The following LYPD6B variants were observed in gnomAD, a reference collection of about 807,000 sequenced individuals.
The protein encoded by LYPD6B is ly6/PLAUR domain-containing protein 6B.
LYPD6B carries 17 observed loss-of-function variants against 22.8 expected under a neutral mutation model. That is an observed-to-expected ratio of 0.75 (90% CI 0.51 to 1.12). The LOEUF is 1.12. Among genes scored for constraint, LYPD6B ranks in the 50% most tolerant of loss-of-function variants. LYPD6B has a pLI of 0.00. For synonymous variants in LYPD6B, 106 were observed against 91.6 expected, an observed-to-expected ratio of 1.16 and a Z score of -0.90; for missense variants, 221 against 258.3, an observed-to-expected ratio of 0.86 and a Z score of 0.99.
intron 1 of LYPD6B, among the ~76,000 whole-genome samples, chr2:149,095,065 G>A (rs529187482): frequency 2.0e-5 from 3 of 152,276 alleles, no homozygotes; most frequent in Non-Finnish European, 4.4e-5. Context: ...GGAGGTCGAG[G>A]TGGGTGGATC....
chr2:149,137,555 T>A (rs1688442774), intron 2 of LYPD6B, among the ~76,000 whole-genome samples: 1 of 152,246 alleles, frequency 6.6e-6, no homozygotes, highest in Non-Finnish European at 1.5e-5. Context: ...TTTGTATATT[T>A]TATGTGATAC....
chr2:149,070,826 T>C (rs1049443284), intron 1 of LYPD6B, among the ~76,000 whole-genome samples: 4 of 152,202 alleles, frequency 2.6e-5, no homozygotes, highest in African/African-American at 9.6e-5. Flanking sequence ...AGTAAACACC[T>C]CTCTCTCTAC....
At chr2:149,081,996 T>C (rs1685158049) in intron 1 of LYPD6B, among the ~76,000 whole-genome samples, 1 of 152,186 alleles carries the variant, frequency 6.6e-6, no homozygotes, top group African/African-American at 2.4e-5. Flanking sequence ...GTAGGTATTG[T>C]GTAGTGAAGT....
In LYPD6B at chr2:149,092,157, G is replaced by A. The variant is rs185993891; in HGVS notation, c.-66-38726G>A. On this transcript the variant is annotated intron_variant, in intron 1 of 6. Transcript: ENST00000409642. ...GGAGAGTGAGAAAGCTGGAAAGATAGGAAATGGGGATTGGTGGTTGTGATT... is the reference window on the plus strand; with the variant it reads ...GGAGAGTGAGAAAGCTGGAAAGATAAGAAATGGGGATTGGTGGTTGTGATT... Among the ~76,000 whole-genome samples the A allele has an allele frequency of 5.3e-5, 8 of 152,176 alleles. No homozygotes were observed. In the East Asian group the frequency reaches 1.5e-3, roughly 29 times the overall value.
chr2:149,120,594 AGGAT>A (rs1413395704), intron 1 of LYPD6B, among the ~76,000 whole-genome samples: 1 of 149,134 alleles, frequency 6.7e-6, no homozygotes, highest in African/African-American at 2.5e-5. Context: ...CGGGTTAGCC[AGGAT>A]GGTCTCTATC....
At chr2:149,189,059 A>G (rs113367042) in intron 3 of LYPD6B, among the ~76,000 whole-genome samples, 16 of 151,794 alleles carry the variant, frequency 1.1e-4, no homozygotes, top group African/African-American at 3.6e-4. Context: ...CTTACTATAT[A>G]TGTACAAGGG....
At chr2:149,047,846 T>C (rs1000957181) in intron 1 of LYPD6B, among the ~76,000 whole-genome samples, 1 of 152,192 alleles carries the variant, frequency 6.6e-6, no homozygotes, top group African/African-American at 2.4e-5. Context: ...CTTATTTAGT[T>C]TGGGTAATTT....
intron 2 of LYPD6B, among the ~76,000 whole-genome samples, chr2:149,144,454 T>G (rs1575057332): frequency 6.6e-6 from 1 of 152,290 alleles, no homozygotes; most frequent in East Asian, 1.9e-4. Context: ...TGCAGTGGCG[T>G]GATCTTGGCT....
intron 3 of LYPD6B, among the ~76,000 whole-genome samples, chr2:149,180,140 C>T (rs1691606206): frequency 6.6e-6 from 1 of 152,146 alleles, no homozygotes; most frequent in African/African-American, 2.4e-5. Context: ...CTTTGTCTGT[C>T]TCGATAAACA....
At chr2:149,115,990 T>G (rs982806691) in intron 1 of LYPD6B, among the ~76,000 whole-genome samples, 1 of 152,232 alleles carries the variant, frequency 6.6e-6, no homozygotes, top group African/African-American at 2.4e-5. Flanking sequence ...TCAGATCTAC[T>G]GAGACCGTAT....
chr2:149,155,516 A>G (rs1366145422), intron 2 of LYPD6B, among the ~76,000 whole-genome samples: 1 of 152,216 alleles, frequency 6.6e-6, no homozygotes, highest in African/African-American at 2.4e-5. Context: ...TACTTCTAAT[A>G]GCAAAGGAAA....
intron 1 of LYPD6B, among the ~76,000 whole-genome samples, chr2:149,113,128 C>G (rs1686839925): frequency 6.6e-6 from 1 of 152,084 alleles, no homozygotes; most frequent in South Asian, 2.1e-4. Flanking sequence ...TATAGATATC[C>G]TTTAAGGTTT....
chr2:149,114,725 A>AC (rs753072117), intron 1 of LYPD6B, among the ~76,000 whole-genome samples: 32 of 152,150 alleles, frequency 2.1e-4, no homozygotes, highest in Non-Finnish European at 4.6e-4. Context: ...CATTGCCAAG[A>AC]CTATGTCTGA....
chr2:149,059,130 G>A (rs1012019801), intron 1 of LYPD6B, among the ~76,000 whole-genome samples: 1 of 152,238 alleles, frequency 6.6e-6, no homozygotes, highest in African/African-American at 2.4e-5. Context: ...CCTGTCAGCT[G>A]CACAGGATTC....
At chr2:149,120,402 T>TTTTTTTA (rs1687267197) in intron 1 of LYPD6B, among the ~76,000 whole-genome samples, 1 of 121,738 alleles carries the variant, frequency 8.2e-6, no homozygotes, top group East Asian at 2.4e-4. Context: ...TTTTTTTTTT[T>TTTTTTTA]GAGATGGAGT....
At chr2:149,132,853 T>C (rs1688116128) in intron 2 of LYPD6B, among the ~76,000 whole-genome samples, 1 of 152,216 alleles carries the variant, frequency 6.6e-6, no homozygotes, top group Non-Finnish European at 1.5e-5. Context: ...TCCAAAGCCC[T>C]CAGTTTCTGA....
chr2:149,054,539 A>G (rs532147117), intron 1 of LYPD6B, among the ~76,000 whole-genome samples: 2 of 152,204 alleles, frequency 1.3e-5, no homozygotes, highest in South Asian at 4.2e-4. Flanking sequence ...TGCATTCTGT[A>G]AGCTGTCTTT....
At chr2:149,096,818 A>G (rs1685924621) in intron 1 of LYPD6B, among the ~76,000 whole-genome samples, 1 of 152,212 alleles carries the variant, frequency 6.6e-6, no homozygotes, top group Non-Finnish European at 1.5e-5. Flanking sequence ...AAGGGAACAA[A>G]CAAAATGTTT....
At chr2:149,074,112 A>G (rs1684771416) in intron 1 of LYPD6B, among the ~76,000 whole-genome samples, 1 of 152,146 alleles carries the variant, frequency 6.6e-6, no homozygotes, top group Non-Finnish European at 1.5e-5. Context: ...CAAGTTACGT[A>G]AAGAAGGTGT....
Sources: gnomAD v4.1 joint callset for allele counts (sites outside exome capture counted in the v4.1 genomes callset) on GRCh38, gnomAD v4.1.1 for gene constraint, MANE v1.5 for transcripts, NCBI Gene and HGNC (gene_info 2026-07-23, HGNC 2026-07-21) for gene names.